KPNA5: variants seen among roughly 807,000 people sequenced by gnomAD.
KPNA5 encodes the protein karyopherin subunit alpha 5.
KPNA5 carries 46 observed loss-of-function variants against 71.3 expected under a neutral mutation model. The observed-to-expected ratio is 0.65, with a 90% confidence interval of 0.51 to 0.83. The LOEUF (loss-of-function observed/expected upper bound fraction) is 0.83, where lower values mean the gene tolerates loss of function less well. Ranked by LOEUF, KPNA5 falls within the 40% of genes least tolerant of loss-of-function variation. The pLI is 0.00. For synonymous variants in KPNA5, 207 were observed against 201.4 expected (o/e 1.03, Z -0.24); for missense variants, 547 against 628.3 (o/e 0.87, Z 1.38).
Position 116,726,537 on chromosome 6 carries a change from C to T in KPNA5, c.1168C>T (p.Leu390Phe). Residue 390 changes from leucine (L) to phenylalanine (F), a missense_variant, in exon 12 of 14, where the codon CTT becomes TTT. Leu to Phe is a conservative substitution (Grantham distance 22). Transcript: ENST00000368564. Reference protein sequence around the residue: ...ANIFPVLIEILQKAEFRTRKE... With the variant: ...ANIFPVLIEIFQKAEFRTRKE... ...TATTTTTCCTGTTTTGATTGAGATTCTTCAGAAAGCAGAGTTTCGTACCAG... is the reference window on the plus strand; with the variant it reads ...TATTTTTCCTGTTTTGATTGAGATTTTTCAGAAAGCAGAGTTTCGTACCAG... The T allele has an allele frequency of 1.9e-6, 3 of 1,611,984 alleles. No individual in the cohort carries two copies. Among genetic ancestry groups the T allele is most frequent in the Non-Finnish European group, 1.7e-6 (2 of 1,178,760 alleles).
chr6:116,718,442 T>C (rs1778981386), intron 8 of KPNA5, among the ~76,000 whole-genome samples: 1 of 151,962 alleles, frequency 6.6e-6, no homozygotes, highest in South Asian at 2.1e-4. Context: ...TTTGTATTTT[T>C]AGTAGAGACA....
chr6:116,726,645 G>A, intron 12 of KPNA5, 23 bp downstream of exon 12: 1 of 1,510,734 alleles, frequency 6.6e-7, no homozygotes. Flanking sequence ...CTTCTTAATT[G>A]TTTTTTACAT....
chr6:116,710,807 A>AT (rs373012379), intron 7 of KPNA5, among the ~76,000 whole-genome samples: 2 of 141,110 alleles, frequency 1.4e-5, no homozygotes, highest in Non-Finnish European at 1.5e-5. Context: ...TTCTCATATA[A>AT]TTTTTTTTTG....
intron 1 of KPNA5, among the ~76,000 whole-genome samples, chr6:116,686,176 C>T (rs567090410): frequency 5.3e-5 from 8 of 152,228 alleles, no homozygotes; most frequent in African/African-American, 1.7e-4. Context: ...CCTCTGCCTC[C>T]CGAAGTGCTG....
Position 116,736,584 on chromosome 6 carries a change from A to G in KPNA5, c.*4261A>G, listed in dbSNP as rs551572604. 2 of 151,986 alleles carry G rather than the reference A, an allele frequency of 1.3e-5. No individual in the cohort carries two copies. The highest frequency in any genetic ancestry group is 6.6e-5 in the Admixed American group (1 of 15,208). 9.4% of individuals were successfully genotyped at this position (151,986 alleles called of 1,614,324 possible). A position where few individuals can be genotyped will look rare whatever the true frequency, so the allele number is the denominator to read the frequency against. On this transcript the variant is annotated 3_prime_UTR_variant, in exon 14 of 14. Coordinates refer to ENST00000368564, the MANE Select transcript of KPNA5 (RefSeq NM_001366306.2). ...TTTTAAATGCATATTTTACACCCCA[A>G]AGCAACCAATTCTTGTTCTTGGAGT... is the stretch of plus-strand genomic sequence containing the variant.
At chr6:116,716,756 G>A (rs1470595227) in intron 8 of KPNA5, among the ~76,000 whole-genome samples, 1 of 152,086 alleles carries the variant, frequency 6.6e-6, no homozygotes, top group Non-Finnish European at 1.5e-5. Flanking sequence ...CAGTTTAGTT[G>A]TATTGTTTAA....
chr6:116,708,226 T>C (rs1219230624), intron 7 of KPNA5, among the ~76,000 whole-genome samples: 2 of 152,218 alleles, frequency 1.3e-5, no homozygotes, highest in Admixed American at 6.5e-5. Flanking sequence ...GTACAAGGTT[T>C]TGTCTCAGTA....
In KPNA5 at chr6:116,705,290, A is replaced by G. The variant is rs985048833; in HGVS notation, c.656+130A>G. On this transcript the variant is annotated intron_variant, in intron 7 of 13. Coordinates refer to ENST00000368564, the MANE Select transcript of KPNA5 (RefSeq NM_001366306.2). ...GTTATCAAGCCTGCAGTAGCTTGAC[A>G]GCAGGTAGAACCAAGAGAAATTTTC... 10 of 627,088 alleles carry G rather than the reference A, an allele frequency of 1.6e-5. No individual in the cohort carries two copies. The South Asian group carries it at 1.9e-4, about 12-fold the overall frequency. 38.8% of individuals were successfully genotyped at this position (627,088 alleles called of 1,614,324 possible).
chr6:116,693,709 T>C (rs1039686535), intron 4 of KPNA5, among the ~76,000 whole-genome samples: 1 of 152,202 alleles, frequency 6.6e-6, no homozygotes, highest in African/African-American at 2.4e-5. Flanking sequence ...TGATGGTCGT[T>C]TCTTTTGCTG....
chr6:116,719,494 C>G (rs1779025117), intron 8 of KPNA5, among the ~76,000 whole-genome samples: 1 of 152,046 alleles, frequency 6.6e-6, no homozygotes, highest in Admixed American at 6.6e-5. Context: ...ATTTTGCATT[C>G]TTTTGCTGGA....
At chr6:116,702,869 G>T (rs987286604) in intron 6 of KPNA5, among the ~76,000 whole-genome samples, 37 of 152,112 alleles carry the variant, frequency 2.4e-4, no homozygotes, top group Non-Finnish European at 4.4e-5. Context: ...AAGTTTTGTT[G>T]TAAGAGGTAA....
chr6:116,704,038 G>A (rs1231942012), intron 6 of KPNA5, among the ~76,000 whole-genome samples: 1 of 151,680 alleles, frequency 6.6e-6, no homozygotes. Flanking sequence ...AATGCTGTAG[G>A]CAATTTTTTT....
intron 7 of KPNA5, among the ~76,000 whole-genome samples, chr6:116,707,693 T>C (rs180931669): frequency 6.6e-6 from 1 of 152,360 alleles, no homozygotes; most frequent in African/African-American, 2.4e-5. Context: ...TATTTCTAAA[T>C]CTGTTGTATT....
chr6:116,694,660 A>G lies in KPNA5; in HGVS notation c.340+2268A>G, dbSNP rs532923881. Among the ~76,000 whole-genome samples the G allele has an allele frequency of 5.3e-5, 8 of 152,270 alleles. No individual in the cohort carries two copies. In the South Asian group the frequency reaches 1.7e-3, roughly 32 times the overall value. ...GGGCTGAGACGATGGGGTTTTCTAG[A>G]TATACAATCAGACATGATTTTTTAA... On this transcript the variant is annotated intron_variant, in intron 4 of 13. Coordinates refer to ENST00000368564, the MANE Select transcript of KPNA5 (RefSeq NM_001366306.2).
intron 7 of KPNA5, among the ~76,000 whole-genome samples, chr6:116,708,857 C>G (rs191122898): frequency 2.6e-4 from 39 of 152,256 alleles, no homozygotes; most frequent in Non-Finnish European, 4.0e-4. Flanking sequence ...ATAATCTTGG[C>G]TTACTGCAGT....
chr6:116,724,429 T>G (rs1644193845), intron 10 of KPNA5, 54 bp downstream of exon 10: 1 of 1,189,032 alleles, frequency 8.4e-7, no homozygotes, highest in East Asian at 2.4e-5. Flanking sequence ...TTTAAAAAAT[T>G]TATGTTTCAT....
At chr6:116,704,984 C>T in intron 6 of KPNA5, 88 bp from the exon 7 acceptor site, 2 of 783,966 alleles carry the variant, frequency 2.6e-6, no homozygotes, top group Non-Finnish European at 2.0e-6. Context: ...GAAACTGTTG[C>T]TTTGTTCATT....
At chr6:116,719,581 C>T (rs548917331) in intron 8 of KPNA5, among the ~76,000 whole-genome samples, 1 of 152,150 alleles carries the variant, frequency 6.6e-6, no homozygotes, top group Admixed American at 6.6e-5. Flanking sequence ...GGCACTGTGT[C>T]TCATGCTGTA....
chr6:116,735,021 C>T lies in KPNA5; in HGVS notation c.*2698C>T, dbSNP rs1779621820. 1 of 151,646 alleles carries T rather than the reference C, an allele frequency of 6.6e-6. No homozygotes were observed. Among genetic ancestry groups the T allele is most frequent in the African/African-American group, 2.4e-5 (1 of 41,394 alleles). The allele number at this position is 151,646 out of a possible 1,614,324, so 9.4% of individuals were successfully genotyped here. ...CTCCTATTTAATCTATGCAATTATG[C>T]TTGTTTTATATTTATAAGCACTTGA... On this transcript the variant is annotated 3_prime_UTR_variant, in exon 14 of 14. Transcript: ENST00000368564.
Sources: gnomAD v4.1 joint callset for allele counts (sites outside exome capture counted in the v4.1 genomes callset) on GRCh38, gnomAD v4.1.1 for gene constraint, MANE v1.5 for transcripts, NCBI Gene and HGNC (gene_info 2026-07-23, HGNC 2026-07-21) for gene names.